Variants in ATP13A2 observed in about 807,000 individuals in gnomAD.
ATP13A2 encodes the protein polyamine-transporting ATPase 13A2.
ATP13A2 carries 83 observed loss-of-function variants against 138.3 expected under a neutral mutation model. The ratio of observed to expected loss-of-function variants is 0.60; its 90% CI spans 0.50 to 0.72. The LOEUF (loss-of-function observed/expected upper bound fraction) is 0.72. ATP13A2 is among the 30% of genes least tolerant of loss of function. The pLI is 0.00. For synonymous variants in ATP13A2, 663 were observed against 699.0 expected, an observed-to-expected ratio of 0.95 and a Z score of 0.81; for missense variants, 1,402 against 1,606.4, an observed-to-expected ratio of 0.87 and a Z score of 2.17.
intron 14 of ATP13A2, 21 bp downstream of exon 14, chr1:16,996,233 C>A: frequency 6.2e-7 from 1 of 1,614,110 alleles, no homozygotes. Flanking sequence ...CAGCACCCCC[C>A]ACCCCACCCC....
intron 11 of ATP13A2, among the ~76,000 whole-genome samples, chr1:16,999,405 A>C (rs67969185): frequency 1.7e-4 from 21 of 126,034 alleles, no homozygotes; most frequent in South Asian, 1.5e-3. Flanking sequence ...AAAAAAAAAA[A>C]GGAGAAATAG....
In ATP13A2 at chr1:16,991,828, C is replaced by T; in HGVS notation, c.2157G>A (p.Leu719=). 1 of 1,614,118 alleles carries T rather than the reference C, an allele frequency of 6.2e-7. No homozygotes were observed. The highest frequency in any genetic ancestry group is 8.5e-7 in the Non-Finnish European group (1 of 1,180,034). ...GTAGGTTCCTCATGACCAGCAGCCC[C>T]AGGAGGCTCAGGTCTCCTTCCACAG... is the stretch of plus-strand genomic sequence containing the variant. ...RDTVEGDLSL[L]GLLVMRNLLK... is the part of the protein sequence containing the mutation. Residue 719 remains leucine (L), a synonymous_variant, in exon 20 of 29, where the codon CTG becomes CTA. Transcript: ENST00000326735.
chr1:16,997,816 G>A (rs2077197846), intron 11 of ATP13A2, among the ~76,000 whole-genome samples: 1 of 144,806 alleles, frequency 6.9e-6, no homozygotes. Flanking sequence ...ACTCCAGCCT[G>A]GACAACAGAG....
In ATP13A2 at chr1:16,986,108, A is replaced by G. The variant is rs780074532; in HGVS notation, c.*113T>C. The stretch of plus-strand genomic sequence containing the variant: ...GTGGTCTCGGGGGAGGAGTGTAGAC[A>G]GTCGCCAACCTCAGGGATGTGGGAG... On this transcript the variant is annotated 3_prime_UTR_variant, in exon 29 of 29. Transcript: ENST00000326735. This position sits in a 1 kb window ranked among gnomAD's most constrained non-coding sequence, Gnocchi z 6.9. The G allele has an allele frequency of 2.5e-6, 4 of 1,576,688 alleles. No individual in the cohort carries two copies. Among genetic ancestry groups the G allele is most frequent in the East Asian group, 2.3e-5 (1 of 43,544 alleles).
Position 16,996,433 on chromosome 1 carries a change from T to C in ATP13A2, c.1259A>G (p.Lys420Arg). 6.2e-7 allele frequency: 1 copy of C among 1,614,036 alleles called. No homozygotes were observed. Residue 420 changes from lysine (K) to arginine (R), a missense_variant, in exon 13 of 29, where the codon AAG (lysine) becomes AGG (arginine). Transcript: ENST00000326735. ...AAACTTCATGCTGTGTTTATAGAAC[T>C]TGAAGTTGATGGGCCGGGGGTGCAA... ...SILHPRPINF[K>R]FYKHSMKFVA...
chr1:17,002,256 C>A (rs746432015), intron 7 of ATP13A2, 40 bp downstream of exon 7: 4 of 1,604,332 alleles, frequency 2.5e-6, no homozygotes, highest in Non-Finnish European at 3.4e-6. Flanking sequence ...ACACAAGGAG[C>A]CCCAGTTCTC....
chr1:17,005,371 C>A lies in ATP13A2; in HGVS notation c.288+3G>T. ...CTAGCCCCAGGCTCAGCCTGACTCT[C>A]ACCTCTTTGTCTCTTATTTCGATAA... is the stretch of plus-strand genomic sequence containing the variant. On this transcript the variant is annotated splice_donor_region_variant and intron_variant, in intron 3 of 28. Coordinates refer to ENST00000326735, the MANE Select transcript of ATP13A2 (RefSeq NM_022089.4). The A allele has an allele frequency of 1.3e-6, 2 of 1,594,152 alleles. No homozygotes were observed. The highest frequency in any genetic ancestry group is 1.7e-6 in the Non-Finnish European group (2 of 1,170,028).
intron 11 of ATP13A2, among the ~76,000 whole-genome samples, chr1:16,998,343 G>A (rs1487292568): frequency 2.6e-5 from 4 of 152,004 alleles, no homozygotes; most frequent in South Asian, 2.1e-4. Flanking sequence ...TACCTGGGAC[G>A]ATAGACGTGC....
chr1:17,000,318 G>A lies in ATP13A2; in HGVS notation c.841-6C>T. The A allele has an allele frequency of 6.3e-7, 1 of 1,583,258 alleles. No homozygotes were observed. Among genetic ancestry groups the A allele is most frequent in the Admixed American group, 1.8e-5 (1 of 54,686 alleles). On this transcript the variant is annotated splice_polypyrimidine_tract_variant and splice_region_variant and intron_variant, in intron 9 of 28. Transcript: ENST00000326735. ...TCCCTTAGAGTCTGGCTTTGCTGTG[G>A]GCAGGGGACAAGAGGGCCGTGAGTG...
chr1:17,005,652 C>A lies in ATP13A2; in HGVS notation c.105+32G>T, dbSNP rs770782774. ...GGTGGGCCTGGGCATTCACCCCCTG[C>A]AGCTTTTCCCCACCCCACTCTGCCC... is the stretch of plus-strand genomic sequence containing the variant. On this transcript the variant is annotated intron_variant, in intron 2 of 28. Transcript: ENST00000326735. The A allele has an allele frequency of 6.2e-6, 10 of 1,613,054 alleles. No individual in the cohort carries two copies. The Admixed American group carries it at 8.4e-5, about 13-fold the overall frequency.
chr1:17,000,194 G>GCCCCCCCCCCCC, intron 10 of ATP13A2, 52 bp from the exon 11 acceptor site: 1 of 1,570,256 alleles, frequency 6.4e-7, no homozygotes, highest in Non-Finnish European at 8.7e-7. Context: ...CCCCAGCCAT[G>GCCCCCCCCCCCC]CCCCCCCACC....
At chr1:16,996,548 C>A in intron 12 of ATP13A2, 52 bp from the exon 13 acceptor site, 1 of 1,440,968 alleles carries the variant, frequency 6.9e-7, no homozygotes, top group Non-Finnish European at 9.8e-7. Context: ...GAGGGCAGGC[C>A]TTCCCCACCC....
chr1:17,001,263 CAA>C (rs376331099), intron 8 of ATP13A2, among the ~76,000 whole-genome samples: 8 of 124,002 alleles, frequency 6.5e-5, no homozygotes, highest in African/African-American at 6.3e-5. Flanking sequence ...ACTAAAAATA[CAA>C]AAAAAAAAAA....
chr1:16,990,676 A>AC (rs113372914), intron 20 of ATP13A2, among the ~76,000 whole-genome samples: 3 of 146,244 alleles, frequency 2.1e-5, no homozygotes, highest in African/African-American at 7.4e-5. Context: ...GTGCGACCAC[A>AC]CCAGGCTAAT....
chr1:16,998,151 G>T (rs1255927562), intron 11 of ATP13A2, among the ~76,000 whole-genome samples: 1 of 152,190 alleles, frequency 6.6e-6, no homozygotes, highest in Non-Finnish European at 1.5e-5. Flanking sequence ...TGGACAGTTT[G>T]TGGAGGGCAG....
chr1:17,006,717 C>A (rs891168324), intron 1 of ATP13A2, among the ~76,000 whole-genome samples: 1 of 152,142 alleles, frequency 6.6e-6, no homozygotes, highest in African/African-American at 2.4e-5. Flanking sequence ...CAGTCCCCAC[C>A]CTGAGGGCAG....
chr1:17,004,303 A>C lies in ATP13A2; in HGVS notation c.557+29T>G. On this transcript the variant is annotated intron_variant, in intron 6 of 28. Coordinates refer to ENST00000326735, the MANE Select transcript of ATP13A2 (RefSeq NM_022089.4). The surrounding 1 kb of genome is among the most constrained non-coding windows in gnomAD (Gnocchi z 4.1). ...CAAACCAGTGCCACTCTGGGAGGTG[A>C]CATGAGCCACACAGGCCCTGACTCC... 1 of 1,608,628 alleles carries C rather than the reference A, an allele frequency of 6.2e-7. No homozygotes were observed.
intron 1 of ATP13A2, among the ~76,000 whole-genome samples, chr1:17,008,871 G>A (rs1199831267): frequency 1.3e-5 from 2 of 151,894 alleles, no homozygotes; most frequent in Non-Finnish European, 2.9e-5. Flanking sequence ...GGCTGAGGCG[G>A]GAGAATGGTG....
At position 17,004,083 on chromosome 1, in the gene ATP13A2, G is replaced by A. The variant is rs879648760; in HGVS notation, c.557+249C>T. On this transcript the variant is annotated intron_variant, in intron 6 of 28. Coordinates refer to ENST00000326735, the MANE Select transcript of ATP13A2 (RefSeq NM_022089.4). The surrounding 1 kb of genome is among the most constrained non-coding windows in gnomAD (Gnocchi z 4.1). Reference sequence around the variant, plus strand: ...GGTGTCACAACCTCAGATCACATTCGGTGCCAAGCTCTACATAAATTATTA... The same window carrying A: ...GGTGTCACAACCTCAGATCACATTCAGTGCCAAGCTCTACATAAATTATTA... Among the ~76,000 whole-genome samples, 5 of 152,164 alleles carry A rather than the reference G, an allele frequency of 3.3e-5. No homozygotes were observed. Among genetic ancestry groups the A allele is most frequent in the African/African-American group, 1.2e-4 (5 of 41,428 alleles).
Sources: gnomAD v4.1 joint callset for allele counts (sites outside exome capture counted in the v4.1 genomes callset) on GRCh38, gnomAD v4.1.1 for gene constraint, Gnocchi (gnomAD v3.1) non-coding constraint, MANE v1.5 for transcripts, NCBI Gene and HGNC (gene_info 2026-07-23, HGNC 2026-07-21) for gene names.